Variants in RAB7A observed in about 807,000 individuals in gnomAD.
RAB7A encodes the protein RAB7A, member RAS oncogene family.
In RAB7A, 2 loss-of-function variants were observed where a neutral mutation model predicts 24.5. The observed-to-expected ratio is 0.08, with a 90% CI of 0.03 to 0.26. The LOEUF is 0.26. RAB7A is among the 10% of genes least tolerant of loss of function. RAB7A has a pLI of 1.00. For missense variants in RAB7A, 118 were observed against 255.7 expected (o/e 0.46, Z 3.67); for synonymous variants, 100 against 95.9 (o/e 1.04, Z -0.25).
chr3:128,767,617 A>G (rs1243732377), intron 1 of RAB7A, among the ~76,000 whole-genome samples: 4 of 152,216 alleles, frequency 2.6e-5, no homozygotes, highest in Non-Finnish European at 5.9e-5. Flanking sequence ...TGGGTATGAG[A>G]ACAAGAGAAA....
intron 1 of RAB7A, among the ~76,000 whole-genome samples, chr3:128,735,454 C>G (rs2070482151): frequency 6.6e-6 from 1 of 152,228 alleles, no homozygotes. Flanking sequence ...AATCCTGTCA[C>G]TTGAACCTCA....
intron 1 of RAB7A, among the ~76,000 whole-genome samples, chr3:128,789,405 G>A (rs1264578986): frequency 6.6e-6 from 1 of 150,502 alleles, no homozygotes; most frequent in Non-Finnish European, 1.5e-5. Context: ...ATGCGATCTC[G>A]GCTCACTGCA....
intron 1 of RAB7A, among the ~76,000 whole-genome samples, chr3:128,783,292 A>G (rs574766093): frequency 5.6e-4 from 83 of 148,268 alleles, no homozygotes; most frequent in African/African-American, 2.1e-3. Context: ...GCAGAGACCC[A>G]GGTAGTCATG....
chr3:128,777,352 C>T (rs140486101), intron 1 of RAB7A, among the ~76,000 whole-genome samples: 9 of 152,142 alleles, frequency 5.9e-5, no homozygotes, highest in African/African-American at 1.7e-4. Context: ...TGCCACCACA[C>T]TTGGCTAAGG....
intron 1 of RAB7A, among the ~76,000 whole-genome samples, chr3:128,746,500 ATTTATTTTT>A (rs1356090013): frequency 6.6e-6 from 1 of 151,316 alleles, no homozygotes; most frequent in Non-Finnish European, 1.5e-5. Context: ...CAACATTTTT[ATTTATTTTT>A]TTTATTTTTT....
Position 128,811,488 on chromosome 3 carries a change from C to G in RAB7A, c.529-1839C>G, listed in dbSNP as rs1576305916. On this transcript the variant is annotated intron_variant, in intron 5 of 5. Coordinates refer to ENST00000265062, the MANE Select transcript of RAB7A (RefSeq NM_004637.6). The stretch of plus-strand genomic sequence containing the variant: ...AGAAGGAATGAAGTAGTGACACATG[C>G]TGCCACATGGGTGCTAAGTGAAGGA... Among the ~76,000 whole-genome samples the G allele has an allele frequency of 2.0e-5, 3 of 152,350 alleles. No individual in the cohort carries two copies. In the South Asian group the frequency reaches 6.2e-4, roughly 32 times the overall value.
intron 1 of RAB7A, among the ~76,000 whole-genome samples, chr3:128,789,492 C>G (rs1192412287): frequency 6.6e-6 from 1 of 151,826 alleles, no homozygotes; most frequent in Non-Finnish European, 1.5e-5. Flanking sequence ...TTCACCACAC[C>G]CAGCTAATTT....
intron 3 of RAB7A, among the ~76,000 whole-genome samples, chr3:128,800,430 G>A (rs1933673459): frequency 6.6e-6 from 1 of 152,144 alleles, no homozygotes; most frequent in Non-Finnish European, 1.5e-5. Context: ...GCTGGGTCGG[G>A]GGTTGTCATA....
chr3:128,777,687 G>C (rs985650407), intron 1 of RAB7A, among the ~76,000 whole-genome samples: 7 of 152,288 alleles, frequency 4.6e-5, no homozygotes, highest in Admixed American at 2.6e-4. Context: ...ACCCTGCTCA[G>C]CCAAGGACTC....
chr3:128,790,953 G>A (rs1354769263), intron 1 of RAB7A, among the ~76,000 whole-genome samples: 1 of 152,134 alleles, frequency 6.6e-6, no homozygotes, highest in African/African-American at 2.4e-5. Context: ...AGGAGAGAAT[G>A]CATGAATGCA....
At chr3:128,751,700 G>A (rs199758589) in intron 1 of RAB7A, among the ~76,000 whole-genome samples, 2 of 152,162 alleles carry the variant, frequency 1.3e-5, no homozygotes, top group Non-Finnish European at 2.9e-5. Flanking sequence ...AGACTTTGGG[G>A]GACTGTTGGG....
At chr3:128,738,307 C>T (rs372633711) in intron 1 of RAB7A, among the ~76,000 whole-genome samples, 49 of 152,322 alleles carry the variant, frequency 3.2e-4, no homozygotes, top group African/African-American at 1.1e-3. Flanking sequence ...GCTAGGATTA[C>T]AGATGTGAGC....
At chr3:128,788,109 C>T (rs1432408074) in intron 1 of RAB7A, among the ~76,000 whole-genome samples, 2 of 152,204 alleles carry the variant, frequency 1.3e-5, no homozygotes, top group Non-Finnish European at 2.9e-5. Flanking sequence ...GGTTTCTACA[C>T]CATAGATGCT....
At chr3:128,779,741 C>T (rs1933179491) in intron 1 of RAB7A, among the ~76,000 whole-genome samples, 1 of 152,110 alleles carries the variant, frequency 6.6e-6, no homozygotes, top group East Asian at 1.9e-4. Flanking sequence ...AGGCACGATA[C>T]CATGCTTGGC....
intron 1 of RAB7A, among the ~76,000 whole-genome samples, chr3:128,772,167 C>T (rs1358440290): frequency 6.6e-6 from 1 of 152,136 alleles, no homozygotes; most frequent in Non-Finnish European, 1.5e-5. Flanking sequence ...ACTGGCTTTT[C>T]CACAGGGAAG....
At chr3:128,754,037 A>G (rs2070709384) in intron 1 of RAB7A, among the ~76,000 whole-genome samples, 1 of 152,114 alleles carries the variant, frequency 6.6e-6, no homozygotes, top group African/African-American at 2.4e-5. Flanking sequence ...GTTTGTTACC[A>G]CTAGATCTCC....
At chr3:128,764,326 G>T in intron 1 of RAB7A, 10 of 546,048 alleles carry the variant, frequency 1.8e-5, no homozygotes, top group South Asian at 4.7e-5. Flanking sequence ...TTCTTTATTT[G>T]AAGGAATGGT....
chr3:128,797,501 A>C (rs912317014), intron 2 of RAB7A, among the ~76,000 whole-genome samples: 2 of 152,234 alleles, frequency 1.3e-5, no homozygotes, highest in African/African-American at 4.8e-5. Context: ...TGTCTGCTGA[A>C]AGCCAAGGTC....
chr3:128,760,309 G>A (rs79100162), intron 1 of RAB7A, among the ~76,000 whole-genome samples: 6,559 of 152,216 alleles, frequency 0.043, 226 homozygotes, highest in African/African-American at 0.094. Context: ...CCGATTCTCA[G>A]ACCTCCCAAC....
Sources: gnomAD v4.1 joint callset for allele counts (sites outside exome capture counted in the v4.1 genomes callset) on GRCh38, gnomAD v4.1.1 for gene constraint, MANE v1.5 for transcripts, NCBI Gene and HGNC (gene_info 2026-07-23, HGNC 2026-07-21) for gene names.